Variants in FOXP2 observed in about 807,000 individuals in gnomAD.
The protein encoded by FOXP2 is forkhead box P2.
FOXP2 carries 12 observed loss-of-function variants against 115.8 expected under a neutral mutation model. The ratio of observed to expected loss-of-function variants is 0.10; its 90% CI spans 0.07 to 0.17. The LOEUF (loss-of-function observed/expected upper bound fraction) is 0.17, where lower values mean the gene tolerates loss of function less well. Ranked by LOEUF, FOXP2 falls within the 10% of genes least tolerant of loss-of-function variation. The pLI, the probability that FOXP2 is intolerant of heterozygous loss-of-function variation, is 1.00. For missense variants in FOXP2, 629 were observed against 843.5 expected (o/e 0.75, Z 3.15); for synonymous variants, 328 against 297.7 (o/e 1.10, Z -1.05).
chr7:114,687,629 G>A (rs1808433754), intron 16 of FOXP2, among the ~76,000 whole-genome samples: 1 of 152,158 alleles, frequency 6.6e-6, no homozygotes, highest in Non-Finnish European at 1.5e-5. Context: ...TTTTATGACT[G>A]CAGCGACCTT....
intron 15 of FOXP2, 43 bp downstream of exon 15, chr7:114,663,562 CTTT>C (rs35518337): frequency 4.5e-3 from 4,646 of 1,032,718 alleles, no homozygotes; most frequent in Non-Finnish European, 5.4e-3. Context: ...ATGTTTAGGG[CTTT>C]TTTTTTTTTT....
At chr7:114,680,086 A>C (rs572664085) in intron 16 of FOXP2, among the ~76,000 whole-genome samples, 23 of 152,310 alleles carry the variant, frequency 1.5e-4, no homozygotes, top group Non-Finnish European at 2.8e-4. Context: ...GGGAATAATA[A>C]CAAACTTTAT....
chr7:114,256,449 A>C (rs1795615878), intron 1 of FOXP2, among the ~76,000 whole-genome samples: 1 of 152,132 alleles, frequency 6.6e-6, no homozygotes, highest in African/African-American at 2.4e-5. Flanking sequence ...TTCTCTAATG[A>C]CCATTGATGT....
At chr7:114,431,078 C>T (rs1257830329) in intron 2 of FOXP2, among the ~76,000 whole-genome samples, 1 of 151,868 alleles carries the variant, frequency 6.6e-6, no homozygotes, top group African/African-American at 2.4e-5. Flanking sequence ...AAGTTCCATT[C>T]ACTATAGGTA....
intron 3 of FOXP2, among the ~76,000 whole-genome samples, chr7:114,584,869 T>C (rs1350290729): frequency 1.3e-5 from 2 of 152,224 alleles, no homozygotes; most frequent in African/African-American, 4.8e-5. Context: ...GGGGGCATAT[T>C]ACTTCATTTT....
chr7:114,133,733 C>G (rs767459024), intron 1 of FOXP2, among the ~76,000 whole-genome samples: 23 of 152,144 alleles, frequency 1.5e-4, no homozygotes, highest in Admixed American at 9.8e-4. Context: ...AGTTCTCTCT[C>G]TCATGATACT....
At chr7:114,312,006 G>A (rs532167151) in intron 2 of FOXP2, among the ~76,000 whole-genome samples, 12 of 152,212 alleles carry the variant, frequency 7.9e-5, no homozygotes, top group African/African-American at 2.7e-4. Flanking sequence ...TGGGGCAGGA[G>A]GAGGTTGCAG....
chr7:114,498,750 C>T (rs183401055), intron 2 of FOXP2: 472 of 669,270 alleles, frequency 7.1e-4, no homozygotes, highest in Non-Finnish European at 1.2e-3. Flanking sequence ...AGCTATTCAG[C>T]AGCATCTTAT....
intron 1 of FOXP2, among the ~76,000 whole-genome samples, chr7:114,232,829 T>G (rs1266057533): frequency 6.8e-6 from 1 of 147,086 alleles, no homozygotes; most frequent in Non-Finnish European, 1.5e-5. Flanking sequence ...AAAAAAAAAA[T>G]TGTTCAGCCA....
At chr7:114,111,763 A>C (rs961453271) in intron 1 of FOXP2, among the ~76,000 whole-genome samples, 2 of 152,040 alleles carry the variant, frequency 1.3e-5, no homozygotes, top group African/African-American at 4.8e-5. Flanking sequence ...GAGTATTAAT[A>C]ATACTTCAAG....
At chr7:114,532,364 C>G (rs922796364) in intron 2 of FOXP2, among the ~76,000 whole-genome samples, 3 of 151,880 alleles carry the variant, frequency 2.0e-5, no homozygotes, top group South Asian at 2.1e-4. Flanking sequence ...TGAATATGCT[C>G]TCTTTACTAG....
chr7:114,599,863 CTTT>C (rs1326343718), intron 3 of FOXP2, among the ~76,000 whole-genome samples: 1 of 151,942 alleles, frequency 6.6e-6, no homozygotes, highest in South Asian at 2.1e-4. Context: ...AATTAATAGA[CTTT>C]AGTTTTTAGA....
intron 6 of FOXP2, among the ~76,000 whole-genome samples, chr7:114,641,861 A>G (rs1805551020): frequency 6.6e-6 from 1 of 151,726 alleles, no homozygotes; most frequent in South Asian, 2.1e-4. Context: ...GCTAGAGTGC[A>G]GTGGTACAAT....
intron 2 of FOXP2, among the ~76,000 whole-genome samples, chr7:114,428,963 CATT>C (rs1470550919): frequency 6.6e-6 from 1 of 151,472 alleles, no homozygotes. Context: ...ATGAGCTAAT[CATT>C]GTTGACCAAG....
intron 1 of FOXP2, among the ~76,000 whole-genome samples, chr7:114,212,899 C>T (rs920245483): frequency 2.0e-4 from 31 of 152,128 alleles, no homozygotes; most frequent in Non-Finnish European, 4.1e-4. Context: ...GGCATCTGCT[C>T]CAGTCACAAT....
At chr7:114,401,464 A>G (rs1482860352) in intron 2 of FOXP2, among the ~76,000 whole-genome samples, 3 of 152,064 alleles carry the variant, frequency 2.0e-5, no homozygotes, top group African/African-American at 7.2e-5. Context: ...ACTACCACTT[A>G]ATAACTTATT....
intron 1 of FOXP2, among the ~76,000 whole-genome samples, chr7:114,242,483 T>G (rs1316304660): frequency 6.6e-6 from 1 of 152,066 alleles, no homozygotes; most frequent in Non-Finnish European, 1.5e-5. Context: ...TAACCATTCT[T>G]TTTTCCAAGG....
intron 2 of FOXP2, among the ~76,000 whole-genome samples, chr7:114,501,548 G>T (rs1157600601): frequency 6.6e-6 from 1 of 152,090 alleles, no homozygotes; most frequent in African/African-American, 2.4e-5. Context: ...CACACAGAGT[G>T]ATAGGAACAG....
intron 3 of FOXP2, among the ~76,000 whole-genome samples, chr7:114,602,146 A>G (rs915071221): frequency 6.6e-6 from 1 of 151,820 alleles, no homozygotes; most frequent in African/African-American, 2.4e-5. Flanking sequence ...TTTTTCCTTT[A>G]TGTGTTTTAA....
Sources: allele counts gnomAD v4.1 joint callset (sites outside exome capture counted in the v4.1 genomes callset), GRCh38; gene constraint gnomAD v4.1.1; transcripts MANE v1.5; gene names NCBI Gene and HGNC (gene_info 2026-07-23, HGNC 2026-07-21).